The following CUX1 variants were observed in gnomAD, a reference collection of about 807,000 sequenced individuals.
CUX1 encodes the protein protein CASP.
In CUX1, 31 loss-of-function variants were observed where a neutral mutation model predicts 158.8. The ratio of observed to expected loss-of-function variants is 0.20; its 90% CI spans 0.15 to 0.26. The LOEUF is 0.26. Ranked by LOEUF, CUX1 falls within the 10% of genes least tolerant of loss-of-function variation. CUX1 has a pLI of 1.00. For missense variants in CUX1, 1,589 were observed against 2,014.6 expected (o/e 0.79, Z 4.04); for synonymous variants, 879 against 862.1 (o/e 1.02, Z -0.34).
chr7:102,231,992 C>T (rs1330013608), intron 21 of CUX1, among the ~76,000 whole-genome samples: 2 of 150,942 alleles, frequency 1.3e-5, no homozygotes, highest in African/African-American at 4.9e-5. Context: ...GGATTACAGG[C>T]GTGAGCCACC....
intron 16 of CUX1, among the ~76,000 whole-genome samples, chr7:102,199,303 G>A (rs1795140173): frequency 6.6e-6 from 1 of 152,206 alleles, no homozygotes; most frequent in Non-Finnish European, 1.5e-5. Context: ...CATCGTCCCG[G>A]TGGCATACTT....
At chr7:102,084,319 A>G (rs1260310204) in intron 4 of CUX1, among the ~76,000 whole-genome samples, 5 of 149,040 alleles carry the variant, frequency 3.4e-5, no homozygotes, top group Admixed American at 1.3e-4. Flanking sequence ...TAATGTTTAT[A>G]TAATAATAAT....
intron 2 of CUX1, among the ~76,000 whole-genome samples, chr7:101,999,218 T>TTTTC (rs1816377157): frequency 6.2e-5 from 1 of 16,236 alleles, no homozygotes; most frequent in Non-Finnish European, 1.1e-4. Flanking sequence ...TTTTTTTACC[T>TTTTC]TTTTTTTTTT....
Position 102,251,495 on chromosome 7 carries a change from T to C in CUX1, c.*2453T>C, listed in dbSNP as rs1801497597. On this transcript the variant is annotated 3_prime_UTR_variant, in exon 24 of 24. Coordinates refer to ENST00000292535, the MANE Select transcript of CUX1 (RefSeq NM_181552.4). The stretch of plus-strand genomic sequence containing the variant: ...CATGAATAAGAAGTTTTCAGAAGGC[T>C]CTAGGGGGCTGGGAGGCAGGCTGTT... The C allele has an allele frequency of 1.0e-6, 1 of 985,400 alleles. No individual in the cohort carries two copies. Among genetic ancestry groups the C allele is most frequent in the Non-Finnish European group, 1.2e-6 (1 of 829,918 alleles). 61.0% of individuals were successfully genotyped at this position (985,400 alleles called of 1,614,324 possible).
intron 1 of CUX1, among the ~76,000 whole-genome samples, chr7:101,881,254 A>T (rs1799675974): frequency 6.6e-6 from 1 of 152,234 alleles, no homozygotes. Flanking sequence ...TTCAGCTGAC[A>T]AGCACTAATT....
intron 2 of CUX1, among the ~76,000 whole-genome samples, chr7:102,025,084 G>T (rs1253254821): frequency 6.6e-6 from 1 of 152,068 alleles, no homozygotes; most frequent in Non-Finnish European, 1.5e-5. Flanking sequence ...TCCGACCTCT[G>T]CGTCGGTCCT....
chr7:102,248,748 G>A lies in CUX1; in HGVS notation c.4224G>A (p.Ala1408=), dbSNP rs1554538101. 6 of 1,056,406 alleles carry A rather than the reference G, an allele frequency of 5.7e-6. No individual in the cohort carries two copies. The highest frequency in any genetic ancestry group is 7.5e-5 in the South Asian group (2 of 26,716). The allele number at this position is 1,056,406 out of a possible 1,614,324, so 65.4% of individuals were successfully genotyped here. A position where few individuals can be genotyped will look rare whatever the true frequency, so the allele number is the denominator to read the frequency against. Residue 1408 remains alanine, a synonymous_variant, in exon 24 of 24, where the codon GCG becomes GCA. Coordinates refer to ENST00000292535, the MANE Select transcript of CUX1 (RefSeq NM_181552.4). This position sits in a 1 kb window ranked among gnomAD's most constrained non-coding sequence, Gnocchi z 5.8. ...GGCCCCTGCCCAGCCCCGCCTCCGC[G>A]ACCGCCACCGCCGCGCCCGCGGCCC... ...GPGPLPSPAS[A]TATAAPAAPE... is the part of the protein sequence containing the mutation.
chr7:102,162,553 A>G (rs1554507499), intron 9 of CUX1, among the ~76,000 whole-genome samples: 1 of 151,932 alleles, frequency 6.6e-6, no homozygotes. Context: ...CTGGGACTAC[A>G]GGCATATGGC....
chr7:101,930,002 C>T (rs1405831027), intron 2 of CUX1, among the ~76,000 whole-genome samples: 5 of 152,070 alleles, frequency 3.3e-5, no homozygotes, highest in African/African-American at 9.7e-5. Context: ...CCACCATGCC[C>T]GGCTAATTTT....
chr7:102,214,462 G>T (rs1343466678), intron 20 of CUX1, among the ~76,000 whole-genome samples: 1 of 152,226 alleles, frequency 6.6e-6, no homozygotes, highest in Non-Finnish European at 1.5e-5. Flanking sequence ...AGTTGAATCA[G>T]CAAATCAGTG....
chr7:102,094,750 C>G (rs2130881893), intron 4 of CUX1, among the ~76,000 whole-genome samples: 1 of 152,260 alleles, frequency 6.6e-6, no homozygotes, highest in East Asian at 1.9e-4. Context: ...CCTCCTCTTC[C>G]CTGACCTCTA....
Position 102,256,749 on chromosome 7 carries a change from A to G in CUX1, c.*7707A>G, listed in dbSNP as rs1314703896. On this transcript the variant is annotated 3_prime_UTR_variant, in exon 24 of 24. Coordinates refer to ENST00000292535, the MANE Select transcript of CUX1 (RefSeq NM_181552.4). ...AGCCTCTGGTAAGACTTCTGGGTTC[A>G]TGAAGTTTCGGCGAGCCGTGGTCAG... 1.0e-6 allele frequency: 1 copy of G among 985,348 alleles called. No individual in the cohort carries two copies. Among genetic ancestry groups the G allele is most frequent in the Non-Finnish European group, 1.2e-6 (1 of 829,964 alleles). 61.0% of individuals were successfully genotyped at this position (985,348 alleles called of 1,614,324 possible).
intron 7 of CUX1, 90 bp from the exon 8 acceptor site, chr7:102,115,117 T>A (rs1193697643): frequency 3.5e-6 from 4 of 1,139,104 alleles, no homozygotes; most frequent in Non-Finnish European, 5.1e-6. Flanking sequence ...CTCACAGAAA[T>A]CTTTGCCTCT....
intron 4 of CUX1, among the ~76,000 whole-genome samples, chr7:102,091,735 G>A (rs928981114): frequency 6.6e-6 from 1 of 152,188 alleles, no homozygotes; most frequent in Non-Finnish European, 1.5e-5. Context: ...CATTGTGTGG[G>A]TTGAAGTACT....
At chr7:102,086,917 A>G (rs1392855329) in intron 4 of CUX1, among the ~76,000 whole-genome samples, 1 of 152,134 alleles carries the variant, frequency 6.6e-6, no homozygotes, top group Non-Finnish European at 1.5e-5. Context: ...GAAATATTCC[A>G]TATCGTAAAG....
At chr7:101,922,259 A>G (rs962686390) in intron 2 of CUX1, among the ~76,000 whole-genome samples, 1 of 152,240 alleles carries the variant, frequency 6.6e-6, no homozygotes, top group Non-Finnish European at 1.5e-5. Context: ...CTTAGTAAGC[A>G]AATAGAACCC....
At chr7:101,860,386 T>G (rs982238175) in intron 1 of CUX1, among the ~76,000 whole-genome samples, 1 of 152,182 alleles carries the variant, frequency 6.6e-6, no homozygotes, top group African/African-American at 2.4e-5. Flanking sequence ...TCAGTATGTA[T>G]CTCTAAAAGA....
At chr7:102,017,599 G>A (rs568014162) in intron 2 of CUX1, among the ~76,000 whole-genome samples, 14 of 152,132 alleles carry the variant, frequency 9.2e-5, no homozygotes, top group Admixed American at 3.3e-4. Context: ...GTAACCCAGC[G>A]CTTCGGTAGG....
At chr7:101,920,015 A>C (rs1804714082) in intron 2 of CUX1, among the ~76,000 whole-genome samples, 1 of 151,624 alleles carries the variant, frequency 6.6e-6, no homozygotes, top group African/African-American at 2.4e-5. Flanking sequence ...ACAGCCTCCA[A>C]CTCCTGGGCT....
Sources: gnomAD v4.1 joint callset for allele counts (sites outside exome capture counted in the v4.1 genomes callset) on GRCh38, gnomAD v4.1.1 for gene constraint, Gnocchi (gnomAD v3.1) non-coding constraint, MANE v1.5 for transcripts, NCBI Gene and HGNC (gene_info 2026-07-23, HGNC 2026-07-21) for gene names.